EIF4B: variants seen among roughly 807,000 people sequenced by gnomAD.
EIF4B encodes eukaryotic translation initiation factor 4B.
EIF4B carries 8 observed loss-of-function variants against 79.3 expected under a neutral mutation model. The observed-to-expected ratio is 0.10, with a 90% CI of 0.06 to 0.18. The LOEUF (loss-of-function observed/expected upper bound fraction) is 0.18, where lower values mean the gene tolerates loss of function less well. Ranked by LOEUF, EIF4B falls within the 10% of genes least tolerant of loss-of-function variation. The pLI is 1.00. For synonymous variants in EIF4B, 238 were observed against 274.7 expected, an observed-to-expected ratio of 0.87 and a Z score of 1.32; for missense variants, 515 against 792.4, an observed-to-expected ratio of 0.65 and a Z score of 4.20.
rs776537704 is a variant in EIF4B at position 53,019,904 on chromosome 12, C to T, written c.361-6C>T. On this transcript the variant is annotated splice_region_variant and splice_polypyrimidine_tract_variant and intron_variant, in intron 3 of 14. Coordinates refer to ENST00000262056, the MANE Select transcript of EIF4B (RefSeq NM_001417.7). ...GAAACTTTGTTGTTGATTCTTATTCCTTCAGATCAGTGCAGTGCGTTTACC... is the reference window on the plus strand; with the variant it reads ...GAAACTTTGTTGTTGATTCTTATTCTTTCAGATCAGTGCAGTGCGTTTACC... 1 of 1,605,814 alleles carries T rather than the reference C, an allele frequency of 6.2e-7. No individual in the cohort carries two copies. Among genetic ancestry groups the T allele is most frequent in the East Asian group, 2.2e-5 (1 of 44,660 alleles).
intron 14 of EIF4B, 89 bp downstream of exon 14, chr12:53,039,791 T>C (rs1298346114): frequency 7.0e-6 from 10 of 1,426,092 alleles, no homozygotes; most frequent in Non-Finnish European, 2.8e-6. Flanking sequence ...AAATTCTTAG[T>C]ATTCTAAACT....
At chr12:53,037,931 T>C (rs1050579558) in intron 11 of EIF4B, 65 of 372,154 alleles carry the variant, frequency 1.7e-4, no homozygotes, top group Admixed American at 8.9e-5. Flanking sequence ...CTTCCTTTCA[T>C]TTCTCTTAAG....
At chr12:53,034,086 G>T in intron 9 of EIF4B, 52 bp downstream of exon 9, 1 of 1,521,928 alleles carries the variant, frequency 6.6e-7, no homozygotes, top group East Asian at 2.4e-5. Context: ...TTCGTAATGG[G>T]GGCATTACAT....
chr12:53,028,863 C>T (rs1943385721), intron 8 of EIF4B, among the ~76,000 whole-genome samples: 1 of 152,034 alleles, frequency 6.6e-6, no homozygotes, highest in South Asian at 2.1e-4. Flanking sequence ...CAGTGGCTCA[C>T]ACCTGTAATC....
At chr12:53,039,887 AG>A (rs1943602330) in intron 14 of EIF4B, 185 bp downstream of exon 14, 1 of 780,538 alleles carries the variant, frequency 1.3e-6, no homozygotes, top group African/African-American at 1.7e-5. Context: ...AAAGAAGTTT[AG>A]CTTTTTCCTG....
intron 1 of EIF4B, among the ~76,000 whole-genome samples, chr12:53,014,189 T>G (rs1203459094): frequency 6.6e-6 from 1 of 151,728 alleles, no homozygotes; most frequent in East Asian, 1.9e-4. Context: ...CCCAGCACTT[T>G]GGGAGGCTAA....
intron 1 of EIF4B, among the ~76,000 whole-genome samples, chr12:53,012,960 C>T (rs1012687296): frequency 6.6e-6 from 1 of 152,106 alleles, no homozygotes; most frequent in African/African-American, 2.4e-5. Flanking sequence ...GAGGGGGAGA[C>T]TTGTGATTTG....
chr12:53,027,137 A>ATTATTATTATTATTATTATTATTATTT (rs1943349413), intron 6 of EIF4B, among the ~76,000 whole-genome samples: 1 of 25,722 alleles, frequency 3.9e-5, no homozygotes, highest in African/African-American at 8.2e-5. Flanking sequence ...AAAAAAAAAA[A>ATTATTATTATTATTATTATTATTATTT]TTTTTTTTTT....
At chr12:53,015,080 A>G (rs1407559983) in intron 1 of EIF4B, 1 of 152,242 alleles carries the variant, frequency 6.6e-6, no homozygotes, top group African/African-American at 2.4e-5. Context: ...TTAGCATTAC[A>G]TCCTCATATG....
chr12:53,028,875 C>T (rs191895120), intron 8 of EIF4B, among the ~76,000 whole-genome samples: 1 of 152,136 alleles, frequency 6.6e-6, no homozygotes, highest in Admixed American at 6.6e-5. Flanking sequence ...CCTGTAATCT[C>T]AGCACTTTGG....
intron 1 of EIF4B, among the ~76,000 whole-genome samples, chr12:53,016,260 C>T (rs925495313): frequency 4.9e-5 from 7 of 142,926 alleles, no homozygotes; most frequent in Non-Finnish European, 4.4e-5. Context: ...CTTTTCCGTA[C>T]GTAAACATGT....
At chr12:53,028,352 C>G (rs1197691632) in intron 8 of EIF4B, among the ~76,000 whole-genome samples, 164 bp downstream of exon 8, 1 of 152,074 alleles carries the variant, frequency 6.6e-6, no homozygotes, top group Non-Finnish European at 1.5e-5. Flanking sequence ...CAGGTGTGGG[C>G]AGATCACAAG....
intron 12 of EIF4B, 151 bp downstream of exon 12, chr12:53,038,562 C>A: frequency 1.9e-6 from 1 of 533,138 alleles, no homozygotes; most frequent in Non-Finnish European, 2.9e-6. Flanking sequence ...CACCTGTAAT[C>A]CCAGCACTTT....
Position 53,039,339 on chromosome 12 carries a change from G to C in EIF4B, c.1678G>C (p.Asp560His). ...GGNRDHWKES[D>H]RKDGKKDQDS... ...GAACAGAGACCACTGGAAGGAGTCA[G>C]ATAGGTATGCTTGTTCTCTTTCTCA... Residue 560 changes from aspartate (D) to histidine (H), a missense_variant, in exon 13 of 15, where the codon GAT (aspartate) becomes CAT (histidine). Coordinates refer to ENST00000262056, the MANE Select transcript of EIF4B (RefSeq NM_001417.7). 33 of 1,594,590 alleles carry C rather than the reference G, an allele frequency of 2.1e-5. No individual in the cohort carries two copies. Among genetic ancestry groups the C allele is most frequent in the Non-Finnish European group, 2.8e-5 (33 of 1,166,340 alleles).
intron 8 of EIF4B, among the ~76,000 whole-genome samples, chr12:53,030,400 A>C (rs1393285448): frequency 1.2e-5 from 1 of 82,696 alleles, no homozygotes; most frequent in Admixed American, 1.5e-4. Flanking sequence ...AATAGGTTTT[A>C]AAAAATTATA....
At chr12:53,027,988 T>A in intron 7 of EIF4B, 27 bp from the exon 8 acceptor site, 1 of 1,607,568 alleles carries the variant, frequency 6.2e-7, no homozygotes, top group Non-Finnish European at 8.5e-7. Context: ...TCCGCTGTGA[T>A]GATTATAATT....
rs778875686 is a variant in EIF4B at position 53,021,741 on chromosome 12, A to G, written c.478-65A>G. On this transcript the variant is annotated intron_variant, in intron 4 of 14. Transcript: ENST00000262056. ...TGCTTCTGCTATGCCCAGACGTTCAAGGTCACTCAAGGGATTTGTGCATAA... is the reference window on the plus strand; with the variant it reads ...TGCTTCTGCTATGCCCAGACGTTCAGGGTCACTCAAGGGATTTGTGCATAA... 2.1e-5 allele frequency: 34 copies of G among 1,583,892 alleles called. 1 individual carries two copies. Among genetic ancestry groups the G allele is most frequent in the South Asian group, 1.2e-4 (11 of 90,476 alleles).
intron 1 of EIF4B, among the ~76,000 whole-genome samples, chr12:53,012,884 G>A (rs932756664): frequency 2.0e-5 from 3 of 152,320 alleles, no homozygotes; most frequent in Admixed American, 6.5e-5. Flanking sequence ...GGGATTACAG[G>A]CGTGAGCCAC....
At chr12:53,034,452 CTT>C (rs1430033202) in intron 9 of EIF4B, among the ~76,000 whole-genome samples, 158 bp from the exon 10 acceptor site, 10 of 152,140 alleles carry the variant, frequency 6.6e-5, no homozygotes, top group African/African-American at 2.4e-4. Flanking sequence ...CAAAGTGTGT[CTT>C]AATGTCTGTA....
Sources: allele counts gnomAD v4.1 joint callset (sites outside exome capture counted in the v4.1 genomes callset), GRCh38; gene constraint gnomAD v4.1.1; transcripts MANE v1.5; gene names NCBI Gene and HGNC (gene_info 2026-07-23, HGNC 2026-07-21).